KATNAL2: variants seen among roughly 807,000 people sequenced by gnomAD.
KATNAL2 encodes the protein katanin p60 ATPase-containing subunit A-like 2.
A neutral mutation model predicts 76.3 loss-of-function variants in KATNAL2; 52 were observed. That is an observed-to-expected ratio of 0.68 (90% CI 0.55 to 0.86). The LOEUF (loss-of-function observed/expected upper bound fraction) is 0.86. Among genes scored for constraint, KATNAL2 ranks in the 40% least tolerant of loss-of-function variants. The pLI is 0.00. For missense variants in KATNAL2, 660 were observed against 668.9 expected (o/e 0.99, Z 0.15); for synonymous variants, 243 against 244.2 (o/e 1.00, Z 0.05).
At chr18:46,948,634 G>A (rs923891191) in intron 3 of KATNAL2, among the ~76,000 whole-genome samples, 5 of 151,652 alleles carry the variant, frequency 3.3e-5, no homozygotes, top group Non-Finnish European at 5.9e-5. Context: ...CTCCATGTTG[G>A]TCAGGCAGGT....
chr18:47,050,039 C>T (rs117829043), intron 4 of KATNAL2, among the ~76,000 whole-genome samples: 2,099 of 152,146 alleles, frequency 0.014, 37 homozygotes, highest in East Asian at 0.037. Context: ...CTTTTTGTTT[C>T]GTTGTTTTGT....
chr18:46,920,023 G>A, intron 1 of KATNAL2: 1 of 1,278,740 alleles, frequency 7.8e-7, no homozygotes, highest in Non-Finnish European at 1.0e-6. Context: ...ACACAAAACA[G>A]TAAGAAAAGA....
At chr18:47,053,256 G>A (rs542261593) in intron 5 of KATNAL2, among the ~76,000 whole-genome samples, 4 of 152,316 alleles carry the variant, frequency 2.6e-5, no homozygotes, top group East Asian at 3.9e-4. Context: ...GCATTTGTTT[G>A]AGAAAATGTG....
intron 6 of KATNAL2, among the ~76,000 whole-genome samples, chr18:47,056,051 T>C (rs2061462818): frequency 6.6e-6 from 1 of 152,240 alleles, no homozygotes; most frequent in East Asian, 1.9e-4. Flanking sequence ...AAAGTGTCTT[T>C]TCCTAATCTT....
At chr18:46,937,817 A>G (rs1185455101) in intron 1 of KATNAL2, among the ~76,000 whole-genome samples, 1 of 152,180 alleles carries the variant, frequency 6.6e-6, no homozygotes, top group African/African-American at 2.4e-5. Context: ...AAAGAATACT[A>G]TGTGGGCCAG....
At chr18:47,031,216 A>G (rs2060405442) in intron 3 of KATNAL2, among the ~76,000 whole-genome samples, 1 of 150,396 alleles carries the variant, frequency 6.6e-6, no homozygotes, top group East Asian at 2.0e-4. Context: ...GGTTGTTTAA[A>G]ATCTCCTCGG....
At chr18:46,955,025 T>C (rs1379252465) in intron 3 of KATNAL2, among the ~76,000 whole-genome samples, 2 of 152,124 alleles carry the variant, frequency 1.3e-5, no homozygotes, top group Non-Finnish European at 2.9e-5. Flanking sequence ...CTTTTGGCTT[T>C]CTTTGCTTTA....
At chr18:46,923,801 T>C (rs1198116492) in intron 1 of KATNAL2, among the ~76,000 whole-genome samples, 2 of 152,246 alleles carry the variant, frequency 1.3e-5, no homozygotes, top group Non-Finnish European at 2.9e-5. Flanking sequence ...ATTGTGGTTT[T>C]GATTTGTATT....
intron 3 of KATNAL2, among the ~76,000 whole-genome samples, chr18:46,954,169 G>A (rs1011577876): frequency 5.3e-5 from 8 of 151,586 alleles, no homozygotes; most frequent in African/African-American, 1.9e-4. Flanking sequence ...TTGGAGAAGG[G>A]GAGGGAATCT....
At chr18:47,070,039 A>G (rs1040488213) in intron 13 of KATNAL2, among the ~76,000 whole-genome samples, 3 of 151,986 alleles carry the variant, frequency 2.0e-5, no homozygotes, top group African/African-American at 7.2e-5. Context: ...TTATTCTTTC[A>G]GATGTTCTGA....
intron 1 of KATNAL2, among the ~76,000 whole-genome samples, chr18:46,930,548 G>A (rs2058874845): frequency 6.6e-6 from 1 of 152,138 alleles, no homozygotes; most frequent in Non-Finnish European, 1.5e-5. Context: ...GGGTGCGACG[G>A]CTCACACCTA....
chr18:47,050,280 A>G (rs1467619530), intron 4 of KATNAL2, among the ~76,000 whole-genome samples: 4 of 152,308 alleles, frequency 2.6e-5, no homozygotes, highest in Middle Eastern at 6.8e-3. Flanking sequence ...TATAAAACTT[A>G]AACTCACCAT....
intron 1 of KATNAL2, among the ~76,000 whole-genome samples, chr18:46,934,286 G>T (rs1410392955): frequency 2.0e-5 from 3 of 152,114 alleles, no homozygotes; most frequent in Non-Finnish European, 4.4e-5. Flanking sequence ...TGTTCCTATT[G>T]CTCCACATCC....
At chr18:46,927,914 G>C (rs900074096) in intron 1 of KATNAL2, among the ~76,000 whole-genome samples, 3 of 152,260 alleles carry the variant, frequency 2.0e-5, no homozygotes, top group Admixed American at 2.0e-4. Context: ...CGTAGCTCTT[G>C]TGCCTTGGTT....
At chr18:46,961,341 T>C (rs1266215423) in intron 3 of KATNAL2, among the ~76,000 whole-genome samples, 2 of 152,238 alleles carry the variant, frequency 1.3e-5, no homozygotes, top group Non-Finnish European at 2.9e-5. Context: ...TCATTTCCCC[T>C]GTAGAGAATC....
chr18:46,946,830 T>TAAGGA (rs1433533759), intron 2 of KATNAL2, 24 bp from the exon 3 acceptor site: 1 of 1,530,044 alleles, frequency 6.5e-7, no homozygotes, highest in Non-Finnish European at 8.8e-7. Context: ...GCCCAGTAAC[T>TAAGGA]GACTACTTTT....
intron 15 of KATNAL2, among the ~76,000 whole-genome samples, chr18:47,085,610 G>C (rs781453748): frequency 3.9e-5 from 6 of 151,950 alleles, no homozygotes; most frequent in Non-Finnish European, 8.8e-5. Context: ...CCACCAACTA[G>C]TCCCATGGCC....
At chr18:47,063,212 G>A (rs2061689029) in intron 9 of KATNAL2, 72 bp from the exon 10 acceptor site, 1 of 1,516,680 alleles carries the variant, frequency 6.6e-7, no homozygotes, top group East Asian at 2.3e-5. Context: ...ACCAAGACCT[G>A]TGCATGCCCG....
chr18:46,930,798 C>G (rs1437509297), intron 1 of KATNAL2, among the ~76,000 whole-genome samples: 1 of 149,922 alleles, frequency 6.7e-6, no homozygotes, highest in African/African-American at 2.5e-5. Context: ...CAGAGTGAGA[C>G]TCCATGTTAA....
Sources: allele counts gnomAD v4.1 joint callset (sites outside exome capture counted in the v4.1 genomes callset), GRCh38; gene constraint gnomAD v4.1.1; transcripts MANE v1.5; gene names NCBI Gene and HGNC (gene_info 2026-07-23, HGNC 2026-07-21).